Variants in C7 observed in about 807,000 individuals in gnomAD.
C7 encodes the protein complement C7, also known as complement component C7.
In C7, 83 loss-of-function variants were observed where a neutral mutation model predicts 104.8. That is an observed-to-expected ratio of 0.79 (90% CI 0.66 to 0.95). C7 has a LOEUF of 0.95. Ranked by LOEUF, C7 falls within the 40% of genes least tolerant of loss-of-function variation. The pLI is 0.00. For missense variants in C7, 1,070 were observed against 1,011.2 expected (o/e 1.06, Z -0.79); for synonymous variants, 415 against 360.6 (o/e 1.15, Z -1.71).
chr5:40,965,633 T>TAG, intron 14 of C7, among the ~76,000 whole-genome samples: 1 of 81,758 alleles, frequency 1.2e-5, no homozygotes, highest in African/African-American at 6.3e-5. Flanking sequence ...TAGTGATATA[T>TAG]ATATATATAT....
chr5:40,957,855 C>T (rs1740328028), intron 10 of C7, among the ~76,000 whole-genome samples, 178 bp from the exon 11 acceptor site: 1 of 150,346 alleles, frequency 6.7e-6, no homozygotes, highest in Non-Finnish European at 1.5e-5. Flanking sequence ...CTAAGTTTGT[C>T]TTGATTTTGT....
At chr5:40,975,214 T>TA (rs150007251) in intron 15 of C7, among the ~76,000 whole-genome samples, 19 of 152,284 alleles carry the variant, frequency 1.2e-4, no homozygotes, top group Non-Finnish European at 2.2e-4. Flanking sequence ...TGGTTAAAAC[T>TA]AAAAAATTAA....
At chr5:40,979,681 C>A in intron 16 of C7, 44 bp from the exon 17 acceptor site, 1 of 1,535,012 alleles carries the variant, frequency 6.5e-7, no homozygotes, top group Non-Finnish European at 8.9e-7. Context: ...TCAGCTTTTA[C>A]GAACAAAAAT....
chr5:40,924,044 C>T (rs1739499944), intron 1 of C7, among the ~76,000 whole-genome samples: 1 of 152,142 alleles, frequency 6.6e-6, no homozygotes. Flanking sequence ...TTAACTCATT[C>T]CAGCATTAAC....
chr5:40,932,973 G>C (rs1208943356), intron 3 of C7, among the ~76,000 whole-genome samples: 1 of 152,142 alleles, frequency 6.6e-6, no homozygotes, highest in Non-Finnish European at 1.5e-5. Context: ...ATATGGAGAA[G>C]AAAAACACTT....
chr5:40,959,174 A>G lies in C7; in HGVS notation c.1490-275A>G, dbSNP rs112876957. On this transcript the variant is annotated intron_variant, in intron 11 of 17. Coordinates refer to ENST00000313164, the MANE Select transcript of C7 (RefSeq NM_000587.4). Reference sequence around the variant, plus strand: ...CACTGTTGTGAGAAGTAAATAAATGATACAACGTACGTAAAAGTGCTTTGA... The same window carrying G: ...CACTGTTGTGAGAAGTAAATAAATGGTACAACGTACGTAAAAGTGCTTTGA... 1.7e-3 allele frequency among the ~76,000 whole-genome samples: 260 copies of G among 152,336 alleles called. 1 individual carries two copies. Among genetic ancestry groups the G allele is most frequent in the African/African-American group, 6.0e-3 (249 of 41,582 alleles).
At chr5:40,966,612 C>T (rs575178557) in intron 14 of C7, among the ~76,000 whole-genome samples, 55 of 152,096 alleles carry the variant, frequency 3.6e-4, no homozygotes, top group African/African-American at 1.2e-3. Context: ...CTCCTGACCT[C>T]GTGATCTGCC....
At chr5:40,973,140 C>G (rs879755510) in intron 15 of C7, among the ~76,000 whole-genome samples, 1 of 152,064 alleles carries the variant, frequency 6.6e-6, no homozygotes, top group Non-Finnish European at 1.5e-5. Flanking sequence ...ACCCAAAAAT[C>G]CAGTATTTTA....
intron 12 of C7, among the ~76,000 whole-genome samples, chr5:40,959,826 T>G (rs1740387574): frequency 6.6e-6 from 1 of 152,210 alleles, no homozygotes; most frequent in African/African-American, 2.4e-5. Context: ...TACAAAAGGC[T>G]GGGTAACTGG....
At chr5:40,924,231 C>T (rs757033016) in intron 1 of C7, among the ~76,000 whole-genome samples, 52 of 152,188 alleles carry the variant, frequency 3.4e-4, no homozygotes, top group Non-Finnish European at 5.0e-4. Flanking sequence ...GCTACAGGCC[C>T]CATGGAAGTC....
At chr5:40,964,529 T>C (rs1297692276) in intron 13 of C7, 2 of 455,738 alleles carry the variant, frequency 4.4e-6, no homozygotes, top group South Asian at 2.7e-5. Flanking sequence ...CAATACATTA[T>C]AGACAGTGGT....
intron 14 of C7, among the ~76,000 whole-genome samples, chr5:40,965,648 A>ATATATATATATATATAT (rs35802990): frequency 4.6e-5 from 6 of 130,312 alleles, no homozygotes; most frequent in South Asian, 4.7e-4. Context: ...ATATATATAT[A>ATATATATATATATATAT]TTTTTTTTTT....
At chr5:40,978,989 C>T (rs979460228) in intron 16 of C7, among the ~76,000 whole-genome samples, 1 of 145,532 alleles carries the variant, frequency 6.9e-6, no homozygotes, top group Admixed American at 7.1e-5. Flanking sequence ...AAGTGATTCT[C>T]ATGCTTCAGC....
intron 7 of C7, among the ~76,000 whole-genome samples, 166 bp downstream of exon 7, chr5:40,945,534 T>C: frequency 6.6e-6 from 1 of 152,130 alleles, no homozygotes; most frequent in East Asian, 1.9e-4. Context: ...AAAGGTACAA[T>C]ATTGTCTCAT....
At position 40,983,224 on chromosome 5, in the gene C7, G is replaced by A. The variant is rs1484693452; in HGVS notation, c.*1651G>A. Among the ~76,000 whole-genome samples, 1 of 152,194 alleles carries A rather than the reference G, an allele frequency of 6.6e-6. No homozygotes were observed. The highest frequency in any genetic ancestry group is 6.5e-5 in the Admixed American group (1 of 15,282). The stretch of plus-strand genomic sequence containing the variant: ...TTTGAACATGCTAGGCCTGGATGCA[G>A]ACCCTGAGACAAAAGGTTGAACAAG... On this transcript the variant is annotated 3_prime_UTR_variant, in exon 18 of 18. Coordinates refer to ENST00000313164, the MANE Select transcript of C7 (RefSeq NM_000587.4).
intron 14 of C7, among the ~76,000 whole-genome samples, chr5:40,968,598 ATATTTTTTTTTTTTTTT>A (rs1561257541): frequency 5.9e-4 from 13 of 22,028 alleles, no homozygotes; most frequent in South Asian, 3.0e-3. Flanking sequence ...ATATATATAT[ATATTTTTTTTTTTTTTT>A]TTTTTTTTTT....
At chr5:40,957,806 T>C (rs1740327180) in intron 10 of C7, among the ~76,000 whole-genome samples, 1 of 150,724 alleles carries the variant, frequency 6.6e-6, no homozygotes. Flanking sequence ...GCACAGAAGA[T>C]ATATAAAAAA....
intron 6 of C7, 83 bp downstream of exon 6, chr5:40,937,773 G>T (rs1033429784): frequency 8.6e-7 from 1 of 1,157,274 alleles, no homozygotes; most frequent in Non-Finnish European, 1.2e-6. Context: ...TATTTGTTGA[G>T]AATTTACTTA....
At chr5:40,944,276 A>C (rs891279633) in intron 6 of C7, among the ~76,000 whole-genome samples, 2 of 152,234 alleles carry the variant, frequency 1.3e-5, no homozygotes, top group Non-Finnish European at 2.9e-5. Context: ...TTTCATTCCC[A>C]CAGGGACTGA....
Sources: gnomAD v4.1 joint callset for allele counts (sites outside exome capture counted in the v4.1 genomes callset) on GRCh38, gnomAD v4.1.1 for gene constraint, MANE v1.5 for transcripts, NCBI Gene and HGNC (gene_info 2026-07-23, HGNC 2026-07-21) for gene names.